The following IGF1R variants were observed in gnomAD, a reference collection of about 807,000 sequenced individuals.
IGF1R encodes the protein insulin-like growth factor 1 receptor.
IGF1R carries 44 observed loss-of-function variants against 144.6 expected under a neutral mutation model. The observed-to-expected ratio is 0.30, with a 90% confidence interval of 0.24 to 0.39. IGF1R has a LOEUF of 0.39. Among genes scored for constraint, IGF1R ranks in the 10% least tolerant of loss-of-function variants. IGF1R has a pLI of 1.00. For synonymous variants in IGF1R, 795 were observed against 722.8 expected (o/e 1.10, Z -1.60); for missense variants, 1,355 against 1,833.7 (o/e 0.74, Z 4.77).
intron 2 of IGF1R, among the ~76,000 whole-genome samples, chr15:98,775,964 C>T (rs1207811995): frequency 6.6e-6 from 1 of 152,168 alleles, no homozygotes; most frequent in Non-Finnish European, 1.5e-5. Context: ...GAATATTTGC[C>T]TAAATACAGT....
chr15:98,710,094 G>C (rs761776904), intron 2 of IGF1R, among the ~76,000 whole-genome samples: 2 of 152,168 alleles, frequency 1.3e-5, no homozygotes, highest in Non-Finnish European at 2.9e-5. Flanking sequence ...TGAAAAGGAG[G>C]AAGGAAAAGC....
At position 98,861,277 on chromosome 15, in the gene IGF1R, C is replaced by A. The variant is rs531173264; in HGVS notation, c.641-30048C>A. 2.6e-5 allele frequency among the ~76,000 whole-genome samples: 4 copies of A among 152,324 alleles called. 1 individual carries two copies. Among genetic ancestry groups the A allele is most frequent in the South Asian group, 2.1e-4 (1 of 4,826 alleles). On this transcript the variant is annotated intron_variant, in intron 2 of 20. Coordinates refer to ENST00000650285, the MANE Select transcript of IGF1R (RefSeq NM_000875.5). ...TTTTAGAAGGGCCTCCTTACACCTT[C>A]CTCTCAGATAAATATACATGCAGGG...
chr15:98,833,068 C>G (rs184469746), intron 2 of IGF1R, among the ~76,000 whole-genome samples: 1 of 152,320 alleles, frequency 6.6e-6, no homozygotes, highest in East Asian at 1.9e-4. Context: ...TCCCCCTAGA[C>G]TTAAAACTGT....
intron 2 of IGF1R, among the ~76,000 whole-genome samples, chr15:98,781,397 C>T (rs1417476087): frequency 6.6e-6 from 1 of 152,150 alleles, no homozygotes; most frequent in Non-Finnish European, 1.5e-5. Context: ...AATGTCCCTC[C>T]AAATTAAATT....
At chr15:98,817,827 C>G (rs768562205) in intron 2 of IGF1R, among the ~76,000 whole-genome samples, 1 of 152,198 alleles carries the variant, frequency 6.6e-6, no homozygotes, top group Non-Finnish European at 1.5e-5. Flanking sequence ...CCAGACATTT[C>G]GTGATTTGCC....
chr15:98,698,694 A>T (rs971403836), intron 1 of IGF1R, among the ~76,000 whole-genome samples: 9 of 152,190 alleles, frequency 5.9e-5, no homozygotes, highest in African/African-American at 1.9e-4. Context: ...TTGGTGATGG[A>T]TCCAAGAGGT....
intron 5 of IGF1R, among the ~76,000 whole-genome samples, chr15:98,902,965 C>G (rs1353674330): frequency 6.6e-6 from 1 of 152,116 alleles, no homozygotes; most frequent in Non-Finnish European, 1.5e-5. Flanking sequence ...TCACTCAGAG[C>G]CTGTTGACTT....
At chr15:98,755,438 A>G (rs944526700) in intron 2 of IGF1R, among the ~76,000 whole-genome samples, 1 of 152,042 alleles carries the variant, frequency 6.6e-6, no homozygotes, top group Non-Finnish European at 1.5e-5. Context: ...CTTTGCTGGT[A>G]CTATAGAAAA....
chr15:98,895,997 T>C (rs1275292336), intron 3 of IGF1R, among the ~76,000 whole-genome samples: 1 of 152,012 alleles, frequency 6.6e-6, no homozygotes, highest in East Asian at 1.9e-4. Flanking sequence ...TAAATAATGG[T>C]AGGTAAGCAG....
chr15:98,698,579 A>G (rs1245465371), intron 1 of IGF1R, among the ~76,000 whole-genome samples: 14 of 152,214 alleles, frequency 9.2e-5, no homozygotes, highest in Non-Finnish European at 1.6e-4. Flanking sequence ...TTCACTTAGC[A>G]TAATGTCCTC....
intron 8 of IGF1R, among the ~76,000 whole-genome samples, chr15:98,914,833 C>T (rs1183970601): frequency 6.6e-6 from 1 of 152,114 alleles, no homozygotes; most frequent in South Asian, 2.1e-4. Context: ...TGACACCTAT[C>T]GTAAGAATGT....
intron 1 of IGF1R, among the ~76,000 whole-genome samples, chr15:98,683,661 A>G (rs1176431909): frequency 1.3e-5 from 2 of 152,238 alleles, no homozygotes; most frequent in Non-Finnish European, 2.9e-5. Context: ...ATATAAGTGC[A>G]TCTGACAAGC....
At position 98,961,954 on chromosome 15, in the gene IGF1R, G is replaced by C. The variant is rs572141274; in HGVS notation, c.*4512G>C. The stretch of plus-strand genomic sequence containing the variant: ...AGTCACTGTGGAACTACCAAATGGC[G>C]AGATGCTCGGTGCACATTGGGGTGC... On this transcript the variant is annotated 3_prime_UTR_variant, in exon 21 of 21. Transcript: ENST00000650285. 1 of 233,232 alleles carries C rather than the reference G, an allele frequency of 4.3e-6. No individual in the cohort carries two copies. The highest frequency in any genetic ancestry group is 8.5e-6 in the Non-Finnish European group (1 of 118,070). The allele number at this position is 233,232 out of a possible 1,614,324, so 14.4% of individuals were successfully genotyped here. A position where few individuals can be genotyped will look rare whatever the true frequency, so the allele number is the denominator to read the frequency against.
chr15:98,863,102 T>C (rs1215662224), intron 2 of IGF1R, among the ~76,000 whole-genome samples: 1 of 152,238 alleles, frequency 6.6e-6, no homozygotes, highest in Non-Finnish European at 1.5e-5. Context: ...TTTTCTTTAG[T>C]CATTCACGAA....
intron 18 of IGF1R, among the ~76,000 whole-genome samples, chr15:98,940,288 T>C (rs1001965409): frequency 6.6e-6 from 1 of 152,252 alleles, no homozygotes; most frequent in African/African-American, 2.4e-5. Flanking sequence ...GTCTAGTTCT[T>C]GAACTGCCTT....
chr15:98,928,232 G>A (rs952343151), intron 13 of IGF1R, among the ~76,000 whole-genome samples: 1 of 152,102 alleles, frequency 6.6e-6, no homozygotes, highest in Non-Finnish European at 1.5e-5. Flanking sequence ...CTCATCCTGG[G>A]GCCATGACTT....
chr15:98,706,411 T>G (rs942245439), intron 1 of IGF1R, among the ~76,000 whole-genome samples: 3 of 152,248 alleles, frequency 2.0e-5, no homozygotes, highest in Non-Finnish European at 2.9e-5. Flanking sequence ...TCATCCAGTA[T>G]TGAGGCCATT....
intron 2 of IGF1R, among the ~76,000 whole-genome samples, chr15:98,811,538 A>T (rs2056589978): frequency 1.3e-5 from 2 of 150,160 alleles, no homozygotes; most frequent in South Asian, 4.2e-4. Context: ...TCAAAAAAAA[A>T]AAAAAAGTTA....
rs373668848 is a variant in IGF1R at position 98,964,483 on chromosome 15, T to TAGTAA, written c.*7046_*7050dup. On this transcript the variant is annotated 3_prime_UTR_variant, in exon 21 of 21. Coordinates refer to ENST00000650285, the MANE Select transcript of IGF1R (RefSeq NM_000875.5). ...TAGTTTCTCTTACTCTGCTTTTTTC[T>TAGTAA]AGTAAAGTACTACATGGTTTAAGTT... The TAGTAA allele has an allele frequency of 0.036, 7,922 of 221,364 alleles. 622 individuals are homozygous for TAGTAA. Among genetic ancestry groups the TAGTAA allele is most frequent in the African/African-American group, 0.16 (7,298 of 44,650 alleles). 13.7% of individuals were successfully genotyped at this position (221,364 alleles called of 1,614,324 possible). A position where few individuals can be genotyped will look rare whatever the true frequency, so the allele number is the denominator to read the frequency against.
Sources: gnomAD v4.1 joint callset for allele counts (sites outside exome capture counted in the v4.1 genomes callset) on GRCh38, gnomAD v4.1.1 for gene constraint, MANE v1.5 for transcripts, NCBI Gene and HGNC (gene_info 2026-07-23, HGNC 2026-07-21) for gene names.